Variants in UNC80 observed in about 807,000 individuals in gnomAD.
UNC80 encodes protein unc-80 homolog.
Under a neutral mutation model 384.6 loss-of-function variants are expected in UNC80, and 164 were observed. That is an observed-to-expected ratio of 0.43 (90% CI 0.38 to 0.49). UNC80 has a LOEUF of 0.49. Among genes scored for constraint, UNC80 ranks in the 20% least tolerant of loss-of-function variants. The probability of loss-of-function intolerance (pLI) is 0.00; values close to 1 mark genes in which losing one functional copy is unlikely to be tolerated. For missense variants in UNC80, 3,330 were observed against 4,143.0 expected (o/e 0.80, Z 5.39); for synonymous variants, 1,486 against 1,527.8 (o/e 0.97, Z 0.64).
chr2:209,975,999 C>T (rs2093003932), intron 56 of UNC80, 120 bp from the exon 57 acceptor site: 7 of 1,110,450 alleles, frequency 6.3e-6, no homozygotes, highest in Non-Finnish European at 7.5e-6. Context: ...TTTTTAGAAA[C>T]ATGGAGAGAG....
intron 21 of UNC80, among the ~76,000 whole-genome samples, chr2:209,843,377 T>TATG (rs1311541837): frequency 6.6e-6 from 1 of 152,204 alleles, no homozygotes; most frequent in Non-Finnish European, 1.5e-5. Flanking sequence ...CATGGATGAA[T>TATG]ATCATGGTAT....
chr2:209,855,256 G>A (rs2082819660), intron 22 of UNC80, among the ~76,000 whole-genome samples: 1 of 152,058 alleles, frequency 6.6e-6, no homozygotes, highest in Non-Finnish European at 1.5e-5. Context: ...GAGAACACAT[G>A]GACACATGGA....
intron 47 of UNC80, among the ~76,000 whole-genome samples, chr2:209,948,968 A>G (rs1444040118): frequency 6.6e-6 from 1 of 152,100 alleles, no homozygotes; most frequent in African/African-American, 2.4e-5. Context: ...TATGATTTTT[A>G]TTCTTTATTT....
Position 209,989,324 on chromosome 2 carries a change from C to CA in UNC80, c.9315-2827dup, listed in dbSNP as rs5838190. On this transcript the variant is annotated intron_variant, in intron 61 of 64. Transcript: ENST00000673920. ...TGGGCAACAGAGCAAGACTCTGTCT[C>CA]AAAAAAAAAAAAAAATTAGAAAACC... Among the ~76,000 whole-genome samples, 595 of 140,874 alleles carry CA rather than the reference C, an allele frequency of 4.2e-3. 1 individual carries two copies. Among genetic ancestry groups the CA allele is most frequent in the African/African-American group, 8.8e-3 (332 of 37,898 alleles). 92.4% of individuals were successfully genotyped at this position (140,874 alleles called of 152,430 possible). A position where few individuals can be genotyped will look rare whatever the true frequency, so the allele number is the denominator to read the frequency against.
intron 15 of UNC80, among the ~76,000 whole-genome samples, chr2:209,831,011 A>C (rs1178583919): frequency 6.6e-6 from 1 of 152,084 alleles, no homozygotes; most frequent in East Asian, 1.9e-4. Flanking sequence ...AGACAGACTG[A>C]ACAATTTCCT....
chr2:209,894,443 C>A (rs532123952), intron 27 of UNC80, 77 bp downstream of exon 27: 1 of 799,140 alleles, frequency 1.3e-6, no homozygotes, highest in South Asian at 5.7e-5. Context: ...AGCTGAAGTC[C>A]ATTTTCTTAC....
At chr2:209,831,854 T>C (rs1404477570) in intron 16 of UNC80, among the ~76,000 whole-genome samples, 1 of 152,176 alleles carries the variant, frequency 6.6e-6, no homozygotes, top group Admixed American at 6.5e-5. Flanking sequence ...GGTGAAATAA[T>C]TGTAAAGTAT....
intron 30 of UNC80, 32 bp from the exon 31 acceptor site, chr2:209,913,770 G>T (rs6760481): frequency 6.5e-7 from 1 of 1,529,266 alleles, no homozygotes; most frequent in African/African-American, 1.4e-5. Context: ...TGTCTTAAAA[G>T]ATTTTAAAAC....
intron 39 of UNC80, among the ~76,000 whole-genome samples, chr2:209,935,354 G>C (rs1408494708): frequency 6.6e-6 from 1 of 152,140 alleles, no homozygotes; most frequent in Non-Finnish European, 1.5e-5. Flanking sequence ...TAGCGCGGTG[G>C]CTCACTCCTG....
intron 7 of UNC80, among the ~76,000 whole-genome samples, chr2:209,803,506 T>C (rs2078689947): frequency 6.6e-6 from 1 of 152,244 alleles, no homozygotes; most frequent in Non-Finnish European, 1.5e-5. Context: ...AAAATTGTAC[T>C]AGAGTCTCTA....
intron 45 of UNC80, among the ~76,000 whole-genome samples, chr2:209,944,555 A>G (rs1017328468): frequency 2.0e-5 from 3 of 152,254 alleles, no homozygotes; most frequent in African/African-American, 4.8e-5. Context: ...GAAGAACATC[A>G]TAAGGATTTG....
intron 28 of UNC80, among the ~76,000 whole-genome samples, chr2:209,899,505 C>T (rs763493147): frequency 2.6e-4 from 39 of 152,136 alleles, no homozygotes; most frequent in Non-Finnish European, 4.7e-4. Context: ...TAAAAAAAAG[C>T]ACCGGGGCTC....
At chr2:209,992,856 T>C (rs1208891454) in intron 62 of UNC80, among the ~76,000 whole-genome samples, 1 of 152,218 alleles carries the variant, frequency 6.6e-6, no homozygotes, top group Non-Finnish European at 1.5e-5. Flanking sequence ...TTACATTACT[T>C]TCTAAATAAA....
At chr2:209,977,204 T>C (rs1035090) in intron 58 of UNC80, 126 bp downstream of exon 58, 33,618 of 968,438 alleles carry the variant, frequency 0.035, 1,841 homozygotes, top group African/African-American at 0.21. Flanking sequence ...TGGTACACTG[T>C]TAGATTTGAC....
Position 209,940,422 on chromosome 2 carries a change from G to C in UNC80, c.6646+770G>C, listed in dbSNP as rs373151848. 4.6e-5 allele frequency among the ~76,000 whole-genome samples: 7 copies of C among 152,356 alleles called. No individual in the cohort carries two copies. In the South Asian group the frequency reaches 8.3e-4, roughly 18 times the overall value. Reference sequence around the variant, plus strand: ...CTCAATTGAGAGAAAGAGAGACACAGAAGGAGACCCACTTTGGAGCCTCGC... The same window carrying C: ...CTCAATTGAGAGAAAGAGAGACACACAAGGAGACCCACTTTGGAGCCTCGC... On this transcript the variant is annotated intron_variant, in intron 43 of 64. Coordinates refer to ENST00000673920, the MANE Select transcript of UNC80 (RefSeq NM_001371986.1).
chr2:209,779,483 T>C (rs1010831615), intron 4 of UNC80, among the ~76,000 whole-genome samples: 2 of 152,056 alleles, frequency 1.3e-5, no homozygotes, highest in African/African-American at 4.8e-5. Flanking sequence ...ATCCTACATT[T>C]TTTTCCTTGT....
intron 52 of UNC80, 127 bp downstream of exon 52, chr2:209,967,764 T>A: frequency 1.2e-6 from 1 of 847,140 alleles, no homozygotes; most frequent in Non-Finnish European, 1.8e-6. Context: ...TATATGTGCA[T>A]AGTTAATAGG....
At position 209,982,204 on chromosome 2, in the gene UNC80, G is replaced by A. The variant is rs367569387; in HGVS notation, c.9144G>A (p.Val3048=). Residue 3048 remains valine (V), a synonymous_variant, in exon 60 of 65, where the codon GTG becomes GTA. Transcript: ENST00000673920. ...ATGACTCTATAAGCATGCCCAGCGT[G>A]GTAAGTGAACAAGAAGCTTACCTCC... ...EENDSISMPS[V]VSEQEAYLLS... 68 of 1,551,572 alleles carry A rather than the reference G, an allele frequency of 4.4e-5. 1 individual carries two copies. In the African/African-American group the frequency reaches 9.2e-4, roughly 21 times the overall value.
intron 22 of UNC80, among the ~76,000 whole-genome samples, chr2:209,856,371 T>C (rs1375915065): frequency 2.0e-5 from 3 of 152,140 alleles, no homozygotes; most frequent in Non-Finnish European, 4.4e-5. Context: ...GTTCATTACA[T>C]TGCATCATCT....
Sources: allele counts gnomAD v4.1 joint callset (sites outside exome capture counted in the v4.1 genomes callset), GRCh38; gene constraint gnomAD v4.1.1; transcripts MANE v1.5; gene names NCBI Gene and HGNC (gene_info 2026-07-23, HGNC 2026-07-21).